Variants in FAM171A2 observed in about 807,000 individuals in gnomAD.
FAM171A2 encodes the protein family with sequence similarity 171 member A2.
A neutral mutation model predicts 34.2 loss-of-function variants in FAM171A2; 13 were observed. The ratio of observed to expected loss-of-function variants is 0.38; its 90% CI spans 0.25 to 0.60. FAM171A2 has a LOEUF of 0.60. Ranked by LOEUF, FAM171A2 falls within the 20% of genes least tolerant of loss-of-function variation. The probability of loss-of-function intolerance (pLI) is 0.62; values close to 1 mark genes in which losing one functional copy is unlikely to be tolerated. For missense variants in FAM171A2, 950 were observed against 1,180.7 expected (o/e 0.80, Z 2.86); for synonymous variants, 475 against 561.2 (o/e 0.85, Z 2.17).
In FAM171A2 at chr17:44,355,678, C is replaced by T. The variant is rs974267798; in HGVS notation, c.1022+37G>A. On this transcript the variant is annotated intron_variant, in intron 7 of 7. Transcript: ENST00000293443. The surrounding 1 kb of genome is among the most constrained non-coding windows in gnomAD (Gnocchi z 4.1). ...ATCTTTGGGGCCCCAGGGCCCGGTACAAGTGCAGGGGAGGGTGAGGGAAGC... is the reference window on the plus strand; with the variant it reads ...ATCTTTGGGGCCCCAGGGCCCGGTATAAGTGCAGGGGAGGGTGAGGGAAGC... 1 of 1,550,438 alleles carries T rather than the reference C, an allele frequency of 6.4e-7. No homozygotes were observed. Among genetic ancestry groups the T allele is most frequent in the Non-Finnish European group, 8.7e-7 (1 of 1,146,440 alleles).
In FAM171A2 at chr17:44,356,448, T is replaced by G. The variant is rs2048424223; in HGVS notation, c.580A>C (p.Thr194Pro). The G allele has an allele frequency of 1.1e-5, 17 of 1,550,952 alleles. No individual in the cohort carries two copies. Among genetic ancestry groups the G allele is most frequent in the Non-Finnish European group, 1.4e-5 (16 of 1,146,946 alleles). The change falls in exon 4 of 8, where the codon ACT becomes CCT. Residue 194 changes from threonine to proline, a missense_variant. Thr to Pro is a conservative substitution (Grantham distance 38, BLOSUM62 -1). This residue lies in a region of FAM171A2 where 752 missense variants were observed against 924.5 expected (regional missense o/e 0.81). Coordinates refer to ENST00000293443, the MANE Select transcript of FAM171A2 (RefSeq NM_198475.3). ...AGCCTACCTGAGCTGGAGGCCTCAG[T>G]GCCCAGGAAGGCAGGGAAAGCCCGC... is the stretch of plus-strand genomic sequence containing the variant. ...EMRAFPAFLG[T>P]EASSSGNGSW...
Position 44,363,612 on chromosome 17 carries a change from G to T in FAM171A2, c.103C>A (p.Pro35Thr). Reference protein sequence around the residue: ...SRAPGKSPPEPPSPQEILIKV... With the variant: ...SRAPGKSPPETPSPQEILIKV... ...TGAGACTCACCCTGCGGGCTGGGGG[G>T]CTCCGGCGGCGACTTGCCGGGAGCC... The change falls in exon 1 of 8, where the codon CCC becomes ACC. Residue 35 changes from proline to threonine, a missense_variant. By Grantham distance (38) the Pro-to-Thr change is conservative (BLOSUM62 -1). Coordinates refer to ENST00000293443, the MANE Select transcript of FAM171A2 (RefSeq NM_198475.3). 1 of 1,228,954 alleles carries T rather than the reference G, an allele frequency of 8.1e-7. No individual in the cohort carries two copies. The highest frequency in any genetic ancestry group is 4.0e-5 in the South Asian group (1 of 25,276). The allele number at this position is 1,228,954 out of a possible 1,614,324, so 76.1% of individuals were successfully genotyped here. A position where few individuals can be genotyped will look rare whatever the true frequency, so the allele number is the denominator to read the frequency against.
chr17:44,360,369 T>G (rs1192582068), intron 1 of FAM171A2, among the ~76,000 whole-genome samples: 1 of 152,230 alleles, frequency 6.6e-6, no homozygotes, highest in Non-Finnish European at 1.5e-5. Flanking sequence ...GTGTCACATT[T>G]TCACAATTCT....
At chr17:44,359,826 C>T (rs1308586173) in intron 2 of FAM171A2, 79 bp downstream of exon 2, 2 of 1,440,904 alleles carry the variant, frequency 1.4e-6, no homozygotes, top group Middle Eastern at 2.5e-4. Context: ...TCCCCCTCCA[C>T]CCCCAAGGAG....
chr17:44,354,705 C>A lies in FAM171A2; in HGVS notation c.1509G>T (p.Ser503=). ...GKTPDFLLSQ[S]VDQLARPPSL... The stretch of plus-strand genomic sequence containing the variant: ...ACGGCGGCCGCGCCAGCTGGTCCAC[C>A]GACTGCGACAGCAGGAAGTCGGGGG... The change falls in exon 8 of 8, where the codon TCG becomes TCT. Residue 503 remains serine, a synonymous_variant. Transcript: ENST00000293443. This position sits in a 1 kb window ranked among gnomAD's most constrained non-coding sequence, Gnocchi z 5.8. 7.4e-7 allele frequency: 1 copy of A among 1,343,376 alleles called. No homozygotes were observed. The highest frequency in any genetic ancestry group is 1.5e-5 in the African/African-American group (1 of 65,392). The allele number at this position is 1,343,376 out of a possible 1,614,324, so 83.2% of individuals were successfully genotyped here.
chr17:44,360,062 C>T lies in FAM171A2; in HGVS notation c.189G>A (p.Val63=). Residue 63 remains valine, a synonymous_variant, in exon 2 of 8, where the codon GTG becomes GTA. Transcript: ENST00000293443. The part of the protein sequence containing the change: ...LVPLARASVD[V]FGNRTLLAAG... ...CTGCCAGCAGAGTCCGGTTCCCAAA[C>T]ACATCCACTGAGGCCCGGGCCAGGG... 1 of 1,551,786 alleles carries T rather than the reference C, an allele frequency of 6.4e-7. No homozygotes were observed.
chr17:44,356,707 G>A, intron 3 of FAM171A2, 119 bp from the exon 4 acceptor site: 1 of 1,158,506 alleles, frequency 8.6e-7, no homozygotes, highest in Non-Finnish European at 1.2e-6. Context: ...TGGAAGGCCA[G>A]GGAGGGTGAT....
Position 44,354,232 on chromosome 17 carries a change from C to T in FAM171A2, c.1982G>A (p.Arg661His). ...AGAGTGGCGCACTTGCGAGTTGGAG[C>T]GCCCGTCGAGGGACACGAACCAGGC... ...PRAWFVSLDG[R>H]SNSQVRHSYI... Residue 661 changes from arginine (R) to histidine (H), a missense_variant, in exon 8 of 8, where the codon CGC (arginine) becomes CAC (histidine). Physicochemically the swap from Arg to His is conservative, Grantham distance 29. Transcript: ENST00000293443. This position sits in a 1 kb window ranked among gnomAD's most constrained non-coding sequence, Gnocchi z 5.8. The T allele has an allele frequency of 2.1e-6, 3 of 1,453,456 alleles. No homozygotes were observed. The highest frequency in any genetic ancestry group is 1.8e-6 in the Non-Finnish European group (2 of 1,094,786). The allele number at this position is 1,453,456 out of a possible 1,614,324, so 90.0% of individuals were successfully genotyped here.
At chr17:44,357,730 C>CGTGTGTGTGTGTGTGTGTGTGTGTGT (rs141824631) in intron 3 of FAM171A2, among the ~76,000 whole-genome samples, 3,298 of 143,026 alleles carry the variant, frequency 0.023, 60 homozygotes, top group East Asian at 0.033. Flanking sequence ...CAGTTTAGGT[C>CGTGTGTGTGTGTGTGTGTGTGTGTGT]GTGTGTGTGT....
At position 44,356,001 on chromosome 17, in the gene FAM171A2, G is replaced by C. The variant is rs762848490; in HGVS notation, c.852C>G (p.Pro284=). 5 of 1,547,766 alleles carry C rather than the reference G, an allele frequency of 3.2e-6. No individual in the cohort carries two copies. The Admixed American group carries it at 5.9e-5, about 18-fold the overall frequency. Residue 284 remains proline (P), a synonymous_variant, in exon 6 of 8, where the codon CCC becomes CCG. Coordinates refer to ENST00000293443, the MANE Select transcript of FAM171A2 (RefSeq NM_198475.3). The stretch of plus-strand genomic sequence containing the variant: ...TGGCGGCCACCCAGTACCCCAGCTG[G>C]GGGGAGACGAAGGTCCAGTAGAGCT... ...GRQLYWTFVS[P]QLGYWVAAMA... is the part of the protein sequence containing the mutation.
In FAM171A2 at chr17:44,355,311, G is replaced by C. The variant is rs543783515; in HGVS notation, c.1023-120C>G. 1 of 1,454,014 alleles carries C rather than the reference G, an allele frequency of 6.9e-7. No homozygotes were observed. The highest frequency in any genetic ancestry group is 1.4e-5 in the South Asian group (1 of 70,486). 90.1% of individuals were successfully genotyped at this position (1,454,014 alleles called of 1,614,324 possible). On this transcript the variant is annotated intron_variant, in intron 7 of 7. Coordinates refer to ENST00000293443, the MANE Select transcript of FAM171A2 (RefSeq NM_198475.3). This position sits in a 1 kb window ranked among gnomAD's most constrained non-coding sequence, Gnocchi z 4.1. ...GTGGAAGAGGTGGGGAGAATGCCTG[G>C]GGCGCTCAGGAGAGATGGCGGGGAG...
intron 3 of FAM171A2, among the ~76,000 whole-genome samples, chr17:44,358,759 G>T (rs1172384076): frequency 6.6e-6 from 1 of 152,058 alleles, no homozygotes; most frequent in Non-Finnish European, 1.5e-5. Context: ...TACAAACTGG[G>T]ATGGGGTTCC....
At position 44,354,730 on chromosome 17, in the gene FAM171A2, G is replaced by T. The variant is rs1374541573; in HGVS notation, c.1484C>A (p.Thr495Asn). The change falls in exon 8 of 8, where the codon ACC (threonine) becomes AAC (asparagine). Residue 495 changes from threonine (T) to asparagine (N), a missense_variant. Transcript: ENST00000293443. This position sits in a 1 kb window ranked among gnomAD's most constrained non-coding sequence, Gnocchi z 5.8. ...CGACTGCGACAGCAGGAAGTCGGGG[G>T]TCTTGCCCTCGGCCGCCCCCTTGTG... ...LGHKGAAEGK[T>N]PDFLLSQSVD... 11 of 1,324,102 alleles carry T rather than the reference G, an allele frequency of 8.3e-6. No individual in the cohort carries two copies. In the South Asian group the frequency reaches 1.3e-4, roughly 16 times the overall value. The allele number at this position is 1,324,102 out of a possible 1,614,324, so 82.0% of individuals were successfully genotyped here. A position where few individuals can be genotyped will look rare whatever the true frequency, so the allele number is the denominator to read the frequency against.
In FAM171A2 at chr17:44,354,786, C is replaced by A; in HGVS notation, c.1428G>T (p.Ser476=). ...GAAAFLHEPP[S]PPPPFDHYLG... ...GGTAGTGGTCGAAGGGCGGCGGCGGCGAGGGCGGCTCGTGCAGGAAGGCCG... is the reference window on the plus strand; with the variant it reads ...GGTAGTGGTCGAAGGGCGGCGGCGGAGAGGGCGGCTCGTGCAGGAAGGCCG... Residue 476 remains serine, a synonymous_variant, in exon 8 of 8, where the codon TCG becomes TCT. Coordinates refer to ENST00000293443, the MANE Select transcript of FAM171A2 (RefSeq NM_198475.3). The surrounding 1 kb of genome is among the most constrained non-coding windows in gnomAD (Gnocchi z 5.8). 1.5e-6 allele frequency: 2 copies of A among 1,295,746 alleles called. No individual in the cohort carries two copies. Among genetic ancestry groups the A allele is most frequent in the Non-Finnish European group, 2.0e-6 (2 of 1,021,998 alleles). 80.3% of individuals were successfully genotyped at this position (1,295,746 alleles called of 1,614,324 possible). A position where few individuals can be genotyped will look rare whatever the true frequency, so the allele number is the denominator to read the frequency against.
rs2048413365 is a variant in FAM171A2, at chr17:44,354,825, C to T, written c.1389G>A (p.Gly463=). The change falls in exon 8 of 8, where the codon GGG becomes GGA. Residue 463 remains glycine (G), a synonymous_variant. Transcript: ENST00000293443. The surrounding 1 kb of genome is among the most constrained non-coding windows in gnomAD (Gnocchi z 5.8). ...LEPGLEEHRR[G]PSGAAAFLHE... ...GCAGGAAGGCCGCAGCCCCCGAGGG[C>T]CCCCGCCGGTGCTCCTCTAGGCCGG... is the stretch of plus-strand genomic sequence containing the variant. 4.7e-6 allele frequency: 6 copies of T among 1,281,500 alleles called. No homozygotes were observed. The highest frequency in any genetic ancestry group is 5.9e-6 in the Non-Finnish European group (6 of 1,015,436). The allele number at this position is 1,281,500 out of a possible 1,614,324, so 79.4% of individuals were successfully genotyped here. A position where few individuals can be genotyped will look rare whatever the true frequency, so the allele number is the denominator to read the frequency against.
intron 3 of FAM171A2, chr17:44,358,952 G>A (rs1248680078): frequency 6.5e-6 from 1 of 152,982 alleles, no homozygotes; most frequent in Non-Finnish European, 1.5e-5. Context: ...CACCCAGCCA[G>A]GTCCCCTCGC....
Position 44,360,030 on chromosome 17 carries a change from G to A in FAM171A2, c.221C>T (p.Thr74Ile), listed in dbSNP as rs2048441870. ...FGNRTLLAAG[T>I]TDSEGVATLP... ...GGTGGCCACACCCTCTGAGTCTGTGGTGCCAGCTGCCAGCAGAGTCCGGTT... is the reference window on the plus strand; with the variant it reads ...GGTGGCCACACCCTCTGAGTCTGTGATGCCAGCTGCCAGCAGAGTCCGGTT... The change falls in exon 2 of 8, where the codon ACC becomes ATC. Residue 74 changes from threonine to isoleucine, a missense_variant. Thr to Ile is a moderately conservative substitution (Grantham distance 89). Around this residue, in one of 3 missense-constraint regions of FAM171A2, gnomAD observed 752 missense variants for 924.5 expected, o/e 0.81. Transcript: ENST00000293443. 1 of 1,551,730 alleles carries A rather than the reference G, an allele frequency of 6.4e-7. No individual in the cohort carries two copies. The highest frequency in any genetic ancestry group is 1.4e-5 in the African/African-American group (1 of 73,172).
intron 1 of FAM171A2, among the ~76,000 whole-genome samples, chr17:44,363,164 C>T (rs2048454708): frequency 6.6e-6 from 1 of 151,998 alleles, no homozygotes; most frequent in Non-Finnish European, 1.5e-5. Context: ...CCGGTCCCGG[C>T]CTAGGGTGGC....
rs953885400 is a variant in FAM171A2 at position 44,353,542 on chromosome 17, C to T, written c.*191G>A. On this transcript the variant is annotated 3_prime_UTR_variant, in exon 8 of 8. Coordinates refer to ENST00000293443, the MANE Select transcript of FAM171A2 (RefSeq NM_198475.3). ...GGGGGTCTGGACCCCCCCTCCTCCC[C>T]GGCTTGGAGGCAGACACAGGGTCCC... The T allele has an allele frequency of 2.1e-5, 7 of 340,240 alleles. No individual in the cohort carries two copies. The highest frequency in any genetic ancestry group is 2.9e-5 in the Non-Finnish European group (6 of 204,200). 21.1% of individuals were successfully genotyped at this position (340,240 alleles called of 1,614,324 possible). A position where few individuals can be genotyped will look rare whatever the true frequency, so the allele number is the denominator to read the frequency against.
Sources: allele counts gnomAD v4.1 joint callset (sites outside exome capture counted in the v4.1 genomes callset), GRCh38; gene constraint gnomAD v4.1.1; regional missense constraint gnomAD v4.1.1; non-coding constraint Gnocchi (gnomAD v3.1); transcripts MANE v1.5; gene names NCBI Gene and HGNC (gene_info 2026-07-23, HGNC 2026-07-21).